SYT9: variants seen among roughly 807,000 people sequenced by gnomAD.
SYT9 encodes synaptotagmin 9, also known as synaptotagmin-9.
Under a neutral mutation model 48.4 loss-of-function variants are expected in SYT9, and 22 were observed. The ratio of observed to expected loss-of-function variants is 0.45; its 90% CI spans 0.32 to 0.65. The LOEUF (loss-of-function observed/expected upper bound fraction) is 0.65. SYT9 is among the 30% of genes least tolerant of loss of function. The pLI is 0.03. For missense variants in SYT9, 577 were observed against 622.0 expected (o/e 0.93, Z 0.77); for synonymous variants, 265 against 245.0 (o/e 1.08, Z -0.76).
intron 3 of SYT9, among the ~76,000 whole-genome samples, chr11:7,405,647 A>T (rs1252784908): frequency 1.3e-5 from 2 of 152,228 alleles, no homozygotes; most frequent in Non-Finnish European, 2.9e-5. Flanking sequence ...AGGTGAATGG[A>T]TGAATAAATT....
chr11:7,336,488 C>T (rs1849632650), intron 3 of SYT9, among the ~76,000 whole-genome samples: 1 of 152,088 alleles, frequency 6.6e-6, no homozygotes, highest in South Asian at 2.1e-4. Flanking sequence ...ACATTTAAAT[C>T]TTTAATCCAT....
At chr11:7,445,560 T>C (rs1254722820) in intron 6 of SYT9, among the ~76,000 whole-genome samples, 1 of 152,234 alleles carries the variant, frequency 6.6e-6, no homozygotes, top group Non-Finnish European at 1.5e-5. Flanking sequence ...TGAATATGCC[T>C]GTTCTCCTCC....
At chr11:7,345,919 G>C (rs1849791723) in intron 3 of SYT9, among the ~76,000 whole-genome samples, 1 of 152,190 alleles carries the variant, frequency 6.6e-6, no homozygotes, top group South Asian at 2.1e-4. Flanking sequence ...GAGCCAAAGA[G>C]GTAAAAGGAA....
intron 1 of SYT9, among the ~76,000 whole-genome samples, chr11:7,297,791 A>G (rs1848842369): frequency 6.6e-6 from 1 of 152,114 alleles, no homozygotes; most frequent in Non-Finnish European, 1.5e-5. Flanking sequence ...TGCTTTATTG[A>G]TATCATGTTT....
At chr11:7,297,059 G>GGTGT (rs151226620) in intron 1 of SYT9, among the ~76,000 whole-genome samples, 3 of 148,120 alleles carry the variant, frequency 2.0e-5, no homozygotes, top group African/African-American at 4.9e-5. Context: ...TCTGAACCAC[G>GGTGT]GTGTGTGTGT....
At chr11:7,418,268 C>T in intron 5 of SYT9, 140 bp downstream of exon 5, 1 of 878,118 alleles carries the variant, frequency 1.1e-6, no homozygotes, top group Non-Finnish European at 1.7e-6. Flanking sequence ...ATGGGAAGCA[C>T]ATTGACAGGA....
chr11:7,391,735 T>TAAAAAAACAAAAAAAAAAAAAA (rs1846615287), intron 3 of SYT9, among the ~76,000 whole-genome samples: 1 of 35,940 alleles, frequency 2.8e-5, no homozygotes, highest in Non-Finnish European at 5.0e-5. Context: ...ACCCCATCTC[T>TAAAAAAACAAAAAAAAAAAAAA]AAAAAAAAAA....
intron 3 of SYT9, among the ~76,000 whole-genome samples, chr11:7,353,864 T>G (rs574021085): frequency 1.3e-5 from 2 of 152,364 alleles, no homozygotes; most frequent in East Asian, 3.9e-4. Flanking sequence ...TCATGTATTA[T>G]TTGACTAGTT....
At chr11:7,248,068 C>A (rs1847817015), upstream of SYT9, among the ~76,000 whole-genome samples, 1 of 152,118 alleles carries the variant, frequency 6.6e-6, no homozygotes, top group Admixed American at 6.6e-5. Context: ...TTCAATTTCC[C>A]TGTTCATTAG....
At chr11:7,434,532 G>A (rs1297641966) in intron 6 of SYT9, among the ~76,000 whole-genome samples, 4 of 152,152 alleles carry the variant, frequency 2.6e-5, no homozygotes, top group African/African-American at 7.2e-5. Flanking sequence ...TGGAGGTGAA[G>A]GGTGTGGAAG....
intron 3 of SYT9, among the ~76,000 whole-genome samples, chr11:7,375,544 A>G (rs1850437213): frequency 1.3e-5 from 2 of 152,274 alleles, no homozygotes; most frequent in Admixed American, 6.5e-5. Context: ...CTTCATATCC[A>G]TGAGCATAGA....
chr11:7,339,852 G>C (rs138019900), intron 3 of SYT9, among the ~76,000 whole-genome samples: 2 of 152,116 alleles, frequency 1.3e-5, no homozygotes, highest in African/African-American at 4.8e-5. Context: ...ATCTTCTTGC[G>C]TAGAATCTTG....
chr11:7,401,708 C>A (rs939714948), intron 3 of SYT9, among the ~76,000 whole-genome samples: 4 of 151,582 alleles, frequency 2.6e-5, no homozygotes, highest in African/African-American at 7.3e-5. Flanking sequence ...ATTTTAATGT[C>A]TATGGTATCT....
At chr11:7,427,659 G>A (rs1158624000) in intron 6 of SYT9, 3 of 152,206 alleles carry the variant, frequency 2.0e-5, no homozygotes, top group African/African-American at 7.2e-5. Flanking sequence ...ATCTACCTGT[G>A]AAGATAAAGA....
At chr11:7,444,189 G>T in intron 6 of SYT9, 1 of 152,340 alleles carries the variant, frequency 6.6e-6, no homozygotes. Flanking sequence ...ATCTTCCTAG[G>T]GGAGGAAGAA....
intron 3 of SYT9, among the ~76,000 whole-genome samples, chr11:7,331,971 T>C (rs1177216330): frequency 6.6e-6 from 1 of 152,206 alleles, no homozygotes; most frequent in Non-Finnish European, 1.5e-5. Flanking sequence ...AAAATTATTT[T>C]TGAGTGCACA....
intron 6 of SYT9, among the ~76,000 whole-genome samples, chr11:7,445,876 C>T (rs1008973609): frequency 6.6e-6 from 1 of 152,240 alleles, no homozygotes; most frequent in Non-Finnish European, 1.5e-5. Flanking sequence ...TGTGAGCTGA[C>T]TCTTCCAGAT....
intron 1 of SYT9, among the ~76,000 whole-genome samples, chr11:7,273,181 G>T (rs1254435375): frequency 6.6e-6 from 1 of 152,104 alleles, no homozygotes; most frequent in Non-Finnish European, 1.5e-5. Context: ...GAATGAGAAA[G>T]AGAGACTGAA....
At chr11:7,300,680 G>T (rs1356112919) in intron 1 of SYT9, among the ~76,000 whole-genome samples, 2 of 152,202 alleles carry the variant, frequency 1.3e-5, no homozygotes, top group Non-Finnish European at 2.9e-5. Flanking sequence ...TGTATTAAGA[G>T]ATTTCACTGC....
Sources: allele counts gnomAD v4.1 joint callset (sites outside exome capture counted in the v4.1 genomes callset), GRCh38; gene constraint gnomAD v4.1.1; transcripts MANE v1.5; gene names NCBI Gene and HGNC (gene_info 2026-07-23, HGNC 2026-07-21).